Variants in CD99 observed in about 807,000 individuals in gnomAD.
CD99 encodes the protein CD99 antigen.
In CD99, 19 loss-of-function variants were observed where a neutral mutation model predicts 28.4. The observed-to-expected ratio is 0.67, with a 90% CI of 0.47 to 0.98. CD99 has a LOEUF of 0.98. CD99 is among the 50% of genes least tolerant of loss of function. The pLI is 0.00. For missense variants in CD99, 283 were observed against 248.8 expected (o/e 1.14, Z -0.92); for synonymous variants, 103 against 92.1 (o/e 1.12, Z -0.67).
At chrX:2,705,730 C>T (rs2048081296) in intron 1 of CD99, among the ~76,000 whole-genome samples, 1 of 152,116 alleles carries the variant, frequency 6.6e-6, no homozygotes. Context: ...GCTTTGTGCC[C>T]TGTGACCGAT....
At chrX:2,727,689 C>T (rs1226997222) in intron 8 of CD99, among the ~76,000 whole-genome samples, 22 of 152,110 alleles carry the variant, frequency 1.4e-4, no homozygotes, top group African/African-American at 4.8e-4. Flanking sequence ...GTTGGCCAGG[C>T]TGGTCTCCAA....
At chrX:2,736,197 G>A (rs1239859220) in intron 8 of CD99, among the ~76,000 whole-genome samples, 2 of 138,420 alleles carry the variant, frequency 1.4e-5, no homozygotes, top group Non-Finnish European at 1.5e-5. Context: ...GCAAGACTCT[G>A]TCTCAAAAAA....
chrX:2,726,882 C>G (rs2049315047), intron 8 of CD99, among the ~76,000 whole-genome samples: 1 of 152,182 alleles, frequency 6.6e-6, no homozygotes, highest in South Asian at 2.1e-4. Flanking sequence ...CACCTGTAAT[C>G]CCAGCACTTT....
At chrX:2,733,366 G>C (rs752217371) in intron 8 of CD99, 2 of 1,591,626 alleles carry the variant, frequency 1.3e-6, no homozygotes, top group South Asian at 2.3e-5. Context: ...GATGGCTGAA[G>C]ACCTAGGGGT....
intron 9 of CD99, among the ~76,000 whole-genome samples, chrX:2,738,996 C>T (rs1446868221): frequency 1.3e-5 from 2 of 151,902 alleles, no homozygotes; most frequent in African/African-American, 2.4e-5. Flanking sequence ...CACAGGCGTG[C>T]ACCACCGTGT....
At chrX:2,691,685 C>T in intron 1 of CD99, 2 of 703,374 alleles carry the variant, frequency 2.8e-6, no homozygotes, top group Non-Finnish European at 2.6e-6. Flanking sequence ...TGTGGGGCGG[C>T]CTTGGGAGAG....
chrX:2,737,916 G>A (rs2050027430), intron 8 of CD99: 1 of 646,922 alleles, frequency 1.5e-6, no homozygotes, highest in African/African-American at 1.8e-5. Context: ...CAGTGTTTAG[G>A]GAGAAGAAAG....
chrX:2,701,292 C>A (rs1463264803), intron 1 of CD99, among the ~76,000 whole-genome samples: 1 of 152,250 alleles, frequency 6.6e-6, no homozygotes, highest in African/African-American at 2.4e-5. Flanking sequence ...TCCACCCTCC[C>A]AGTCCATGGC....
At chrX:2,712,134 T>A (rs983886771) in intron 1 of CD99, among the ~76,000 whole-genome samples, 7 of 151,806 alleles carry the variant, frequency 4.6e-5, no homozygotes, top group African/African-American at 9.7e-5. Flanking sequence ...GAAAGACAAA[T>A]ACCGTCTGAC....
At chrX:2,712,390 C>A (rs2048448685) in intron 1 of CD99, among the ~76,000 whole-genome samples, 1 of 151,030 alleles carries the variant, frequency 6.6e-6, no homozygotes, top group Non-Finnish European at 1.5e-5. Flanking sequence ...GTTTGCACCA[C>A]AAATAAATAG....
intron 1 of CD99, among the ~76,000 whole-genome samples, chrX:2,703,605 AGTGTGTGTGTGTGTGTGTGTGTGTGT>A (rs556444956): frequency 7.2e-6 from 1 of 138,402 alleles, no homozygotes; most frequent in Non-Finnish European, 1.6e-5. Flanking sequence ...CGAGCTGTTA[AGTGTGTGTGTGTGTGTGTGTGTGTGT>A]GTGTGTGTGT....
Position 2,738,212 on chromosome X carries a change from A to C in CD99, c.488A>C (p.Glu163Ala). ...TTCTTCTTTTCAGCAGAACAAGGGG[A>C]GGTGGACATGGAGAGCCACCGGAAT... ...LCFKENAEQG[E>A]VDMESHRNAN... The change falls in exon 9 of 10, where the codon GAG becomes GCG. Residue 163 changes from glutamate (E) to alanine (A), a missense_variant. Coordinates refer to ENST00000381192, the MANE Select transcript of CD99 (RefSeq NM_002414.5). 11 of 1,613,818 alleles carry C rather than the reference A, an allele frequency of 6.8e-6. No homozygotes were observed. Among genetic ancestry groups the C allele is most frequent in the Non-Finnish European group, 9.3e-6 (11 of 1,179,786 alleles).
intron 1 of CD99, among the ~76,000 whole-genome samples, chrX:2,699,192 C>T (rs1249888516): frequency 6.7e-6 from 1 of 150,194 alleles, no homozygotes; most frequent in Admixed American, 6.6e-5. Flanking sequence ...TTTTTTTAGA[C>T]AGAGTCTTGC....
chrX:2,691,499 G>A (rs2124438351), intron 1 of CD99, 72 bp downstream of exon 1: 1 of 1,485,100 alleles, frequency 6.7e-7, no homozygotes, highest in Non-Finnish European at 9.1e-7. Context: ...CGCTTGAGAT[G>A]CGGCGTTGGG....
chrX:2,694,152 C>T (rs764395868), intron 1 of CD99, among the ~76,000 whole-genome samples: 2 of 152,276 alleles, frequency 1.3e-5, no homozygotes, highest in East Asian at 1.9e-4. Flanking sequence ...CCCCACCCCC[C>T]GGGGCAACGG....
At position 2,737,776 on chromosome X, in the gene CD99, G is replaced by A. The variant is rs752297171; in HGVS notation, c.476-424G>A. ...CTCCCAAAGTGCTGGGATTACAGGC[G>A]TGAGTCACCACGCCCAGCCGTCTGC... is the stretch of plus-strand genomic sequence containing the variant. On this transcript the variant is annotated intron_variant, in intron 8 of 9. Coordinates refer to ENST00000381192, the MANE Select transcript of CD99 (RefSeq NM_002414.5). The A allele has an allele frequency of 4.4e-5, 15 of 340,306 alleles. No individual in the cohort carries two copies. The East Asian group carries it at 6.7e-4, about 15-fold the overall frequency. The allele number at this position is 340,306 out of a possible 1,614,324, so 21.1% of individuals were successfully genotyped here. A position where few individuals can be genotyped will look rare whatever the true frequency, so the allele number is the denominator to read the frequency against.
chrX:2,727,368 C>G, intron 8 of CD99: 1 of 777,666 alleles, frequency 1.3e-6, no homozygotes, highest in East Asian at 2.4e-5. Context: ...CTATTTGGAA[C>G]ACAGCTAACG....
rs186029129 is a variant in CD99, at chrX:2,707,403, C to T, written c.68-7019C>T. On this transcript the variant is annotated intron_variant, in intron 1 of 9. Coordinates refer to ENST00000381192, the MANE Select transcript of CD99 (RefSeq NM_002414.5). ...ACTGGCTCTCCTCCTGCGTTTGCCC[C>T]GGTTGAGTGCATTCCTGCATTAGTG... is the stretch of plus-strand genomic sequence containing the variant. Among the ~76,000 whole-genome samples, 226 of 152,292 alleles carry T rather than the reference C, an allele frequency of 1.5e-3. 1 individual carries two copies. The highest frequency in any genetic ancestry group is 3.3e-3 in the African/African-American group (139 of 41,562).
chrX:2,713,017 AAC>A (rs1286333343), intron 1 of CD99, among the ~76,000 whole-genome samples: 13 of 151,154 alleles, frequency 8.6e-5, no homozygotes, highest in South Asian at 2.1e-4. Context: ...CACAGGCACA[AAC>A]ACACAAATGC....
Sources: allele counts gnomAD v4.1 joint callset (sites outside exome capture counted in the v4.1 genomes callset), GRCh38; gene constraint gnomAD v4.1.1; transcripts MANE v1.5; gene names NCBI Gene and HGNC (gene_info 2026-07-23, HGNC 2026-07-21).